Variants in TNIK observed in about 807,000 individuals in gnomAD.
The protein encoded by TNIK is TRAF2 and NCK-interacting protein kinase.
In TNIK, 49 loss-of-function variants were observed where a neutral mutation model predicts 191.3. The observed-to-expected ratio is 0.26, with a 90% CI of 0.20 to 0.32. The LOEUF is 0.32. TNIK is among the 10% of genes least tolerant of loss of function. TNIK has a pLI of 1.00. For missense variants in TNIK, 1,155 were observed against 1,702.3 expected (o/e 0.68, Z 5.66); for synonymous variants, 594 against 600.9 (o/e 0.99, Z 0.17).
chr3:171,142,381 C>A (rs1428514187), intron 12 of TNIK, among the ~76,000 whole-genome samples: 1 of 152,200 alleles, frequency 6.6e-6, no homozygotes, highest in Admixed American at 6.5e-5. Flanking sequence ...ATAATCACTG[C>A]TGAGGATGGA....
chr3:171,095,288 G>A (rs1308485949), intron 22 of TNIK, among the ~76,000 whole-genome samples: 1 of 152,170 alleles, frequency 6.6e-6, no homozygotes, highest in African/African-American at 2.4e-5. Context: ...TCTATCAGGA[G>A]TGCCTCATTT....
chr3:171,178,962 G>C (rs1379788705), intron 7 of TNIK, among the ~76,000 whole-genome samples: 1 of 152,012 alleles, frequency 6.6e-6, no homozygotes, highest in East Asian at 1.9e-4. Context: ...TGACACTCAG[G>C]GCTCTTCAGT....
intron 4 of TNIK, among the ~76,000 whole-genome samples, chr3:171,209,628 C>T (rs1402521117): frequency 6.6e-6 from 1 of 152,010 alleles, no homozygotes; most frequent in African/African-American, 2.4e-5. Context: ...ATCTATTATA[C>T]ATTTAGAGGC....
intron 2 of TNIK, among the ~76,000 whole-genome samples, chr3:171,235,522 C>G (rs1305072141): frequency 6.6e-6 from 1 of 152,120 alleles, no homozygotes; most frequent in Non-Finnish European, 1.5e-5. Context: ...GCACCTGGGG[C>G]TATAAACATC....
chr3:171,379,241 T>C (rs528958369), intron 1 of TNIK, among the ~76,000 whole-genome samples: 111 of 152,332 alleles, frequency 7.3e-4, no homozygotes, highest in Admixed American at 2.4e-3. Context: ...AGTTCAAAAT[T>C]ATTTCCTTAC....
intron 1 of TNIK, among the ~76,000 whole-genome samples, chr3:171,373,147 T>A (rs1716749975): frequency 6.6e-6 from 1 of 152,154 alleles, no homozygotes. Context: ...TTAGCTGTTT[T>A]CTCCATTCTA....
intron 21 of TNIK, among the ~76,000 whole-genome samples, chr3:171,106,394 G>T (rs1264417546): frequency 6.6e-6 from 1 of 152,160 alleles, no homozygotes. Context: ...TTTGAATGCA[G>T]CTTGCTGACC....
intron 2 of TNIK, among the ~76,000 whole-genome samples, chr3:171,290,841 G>C (rs781734335): frequency 6.6e-6 from 1 of 152,142 alleles, no homozygotes; most frequent in Non-Finnish European, 1.5e-5. Flanking sequence ...TCAGTTCAAT[G>C]AAAACAGCCA....
Position 171,110,690 on chromosome 3 carries a change from G to A in TNIK, c.2284+24C>T, listed in dbSNP as rs777755713. 6.4e-6 allele frequency: 10 copies of A among 1,561,904 alleles called. No individual in the cohort carries two copies. The South Asian group carries it at 9.6e-5, about 15-fold the overall frequency. On this transcript the variant is annotated intron_variant, in intron 19 of 32. Coordinates refer to ENST00000436636, the MANE Select transcript of TNIK (RefSeq NM_015028.4). ...GCTTTCCTCCCAGGCAGTATTGCCA[G>A]GTAAAGGTAAGAGAAAGTTTTACCT...
rs555109898 is a variant in TNIK, at chr3:171,068,572, A to T, written c.3699+276T>A. 6.6e-5 allele frequency among the ~76,000 whole-genome samples: 10 copies of T among 152,388 alleles called. 1 individual carries two copies. The South Asian group carries it at 1.4e-3, about 22-fold the overall frequency. On this transcript the variant is annotated intron_variant, in intron 30 of 32. Coordinates refer to ENST00000436636, the MANE Select transcript of TNIK (RefSeq NM_015028.4). ...CGAATATAATTCATGCCCTTGAAAG[A>T]AATATGTCATATTCATTTTAATCTA...
chr3:171,093,446 G>A (rs541069967), intron 23 of TNIK, among the ~76,000 whole-genome samples: 6 of 152,114 alleles, frequency 3.9e-5, no homozygotes, highest in African/African-American at 7.2e-5. Context: ...TTTTTTATAC[G>A]AAATCCACTA....
intron 2 of TNIK, among the ~76,000 whole-genome samples, chr3:171,248,262 A>C (rs914810276): frequency 2.6e-5 from 4 of 152,246 alleles, no homozygotes; most frequent in East Asian, 3.9e-4. Context: ...GGAAGGGAGG[A>C]GAGGAGAGTG....
chr3:171,305,059 A>AG (rs1753301218), intron 2 of TNIK, among the ~76,000 whole-genome samples: 1 of 151,636 alleles, frequency 6.6e-6, no homozygotes, highest in East Asian at 1.9e-4. Context: ...GGAAAAAAAA[A>AG]AAGGAAAAAG....
Position 171,110,849 on chromosome 3 carries a change from T to A in TNIK, c.2149A>T (p.Ile717Phe). The stretch of plus-strand genomic sequence containing the variant: ...GTCCTCTGCAAGGGGCTCTCCAAGA[T>A]GGGCTCAGTTCTCCGGAGATCAGGG... Reference protein sequence around the residue: ...SNPDLRRTEPILESPLQRTSS... With the variant: ...SNPDLRRTEPFLESPLQRTSS... Residue 717 changes from isoleucine to phenylalanine, a missense_variant, in exon 19 of 33, where the codon ATC becomes TTC. By Grantham distance (21) the Ile-to-Phe change is conservative. Coordinates refer to ENST00000436636, the MANE Select transcript of TNIK (RefSeq NM_015028.4). 6.2e-7 allele frequency: 1 copy of A among 1,605,054 alleles called. No individual in the cohort carries two copies. Among genetic ancestry groups the A allele is most frequent in the East Asian group, 2.2e-5 (1 of 44,666 alleles).
At chr3:171,069,026 A>G in intron 29 of TNIK, 29 bp from the exon 30 acceptor site, 1 of 1,595,680 alleles carries the variant, frequency 6.3e-7, no homozygotes, top group African/African-American at 1.3e-5. Context: ...TAGTATCCGC[A>G]TCACTCAAAG....
chr3:171,374,081 G>T (rs867015229), intron 1 of TNIK, among the ~76,000 whole-genome samples: 1 of 152,164 alleles, frequency 6.6e-6, no homozygotes, highest in Non-Finnish European at 1.5e-5. Flanking sequence ...ACTGAATAAG[G>T]TTGATGTCCC....
chr3:171,108,824 G>A (rs1236637959), intron 19 of TNIK, among the ~76,000 whole-genome samples: 1 of 152,312 alleles, frequency 6.6e-6, no homozygotes. Flanking sequence ...TATAGGAGAA[G>A]GGCCCTAGGC....
chr3:171,331,463 T>C (rs1253884468), intron 2 of TNIK, among the ~76,000 whole-genome samples: 1 of 152,182 alleles, frequency 6.6e-6, no homozygotes, highest in East Asian at 1.9e-4. Flanking sequence ...ACTTGGTAAA[T>C]TCAATTTCAG....
At position 171,066,292 on chromosome 3, in the gene TNIK, G is replaced by T; in HGVS notation, c.3894C>A (p.Gly1298=). 3 of 1,613,744 alleles carry T rather than the reference G, an allele frequency of 1.9e-6. No homozygotes were observed. The highest frequency in any genetic ancestry group is 1.1e-5 in the South Asian group (1 of 91,056). The change falls in exon 32 of 33, where the codon GGC becomes GGA. Residue 1298 remains glycine, a synonymous_variant. Coordinates refer to ENST00000436636, the MANE Select transcript of TNIK (RefSeq NM_015028.4). ...YIHSNQIMGW[G]EKAIEIRSVE... ...CTGACCGGATCTCAATAGCTTTCTC[G>T]CCCCAGCCCATTATCTGATTGGAAT...
Sources: gnomAD v4.1 joint callset for allele counts (sites outside exome capture counted in the v4.1 genomes callset) on GRCh38, gnomAD v4.1.1 for gene constraint, MANE v1.5 for transcripts, NCBI Gene and HGNC (gene_info 2026-07-23, HGNC 2026-07-21) for gene names.